The following GPM6A variants were observed in gnomAD, a reference collection of about 807,000 sequenced individuals.
GPM6A encodes the protein neuronal membrane glycoprotein M6-a.
GPM6A carries 7 observed loss-of-function variants against 32.1 expected under a neutral mutation model. The ratio of observed to expected loss-of-function variants is 0.22; its 90% CI spans 0.12 to 0.41. The LOEUF (loss-of-function observed/expected upper bound fraction) is 0.41. Ranked by LOEUF, GPM6A falls within the 10% of genes least tolerant of loss-of-function variation. GPM6A has a pLI of 1.00. For missense variants in GPM6A, 235 were observed against 347.2 expected (o/e 0.68, Z 2.57); for synonymous variants, 130 against 123.4 (o/e 1.05, Z -0.35).
intron 1 of GPM6A, among the ~76,000 whole-genome samples, chr4:175,793,606 C>T (rs1373036552): frequency 2.0e-5 from 3 of 152,012 alleles, no homozygotes; most frequent in Admixed American, 6.6e-5. Flanking sequence ...AAACTCCTGA[C>T]CTCAGTTGAT....
intron 1 of GPM6A, among the ~76,000 whole-genome samples, chr4:175,778,867 G>T (rs1443193601): frequency 6.7e-6 from 1 of 149,376 alleles, no homozygotes; most frequent in African/African-American, 2.5e-5. Context: ...TGTAATATAT[G>T]GATATATCAA....
intron 1 of GPM6A, among the ~76,000 whole-genome samples, chr4:175,821,377 T>C (rs1735272849): frequency 6.6e-6 from 1 of 152,162 alleles, no homozygotes; most frequent in African/African-American, 2.4e-5. Flanking sequence ...AAGTTCTGAA[T>C]ACTAATTCCA....
chr4:175,643,037 C>G (rs1286885563), intron 4 of GPM6A, among the ~76,000 whole-genome samples: 1 of 152,142 alleles, frequency 6.6e-6, no homozygotes, highest in Non-Finnish European at 1.5e-5. Flanking sequence ...CCCCCGCAAA[C>G]CCTACATGCA....
At chr4:175,664,180 G>C (rs1453827049) in intron 3 of GPM6A, among the ~76,000 whole-genome samples, 1 of 152,200 alleles carries the variant, frequency 6.6e-6, no homozygotes, top group Non-Finnish European at 1.5e-5. Flanking sequence ...GTCTATAGGG[G>C]TTGGGGGTGA....
At position 175,936,306 on chromosome 4, in the gene GPM6A, C is replaced by CAA. The variant is rs35653197; in HGVS notation, c.-23+66001_-23+66002dup. On this transcript the variant is annotated intron_variant, in intron 1 of 7. Coordinates refer to the GPM6A transcript ENST00000280187. ...GGGCGACACAGCGAGACTCTGTCTC[C>CAA]AAAAAAAAAAAAAAAAAAAAAAAAA... is the stretch of plus-strand genomic sequence containing the variant. Among the ~76,000 whole-genome samples the CAA allele has an allele frequency of 5.5e-4, 25 of 45,600 alleles. 5 individuals are homozygous for CAA. Among genetic ancestry groups the CAA allele is most frequent in the East Asian group, 4.4e-3 (5 of 1,142 alleles). 29.9% of individuals were successfully genotyped at this position (45,600 alleles called of 152,430 possible).
chr4:175,970,977 A>G (rs1740484442), intron 1 of GPM6A: 4 of 443,636 alleles, frequency 9.0e-6, no homozygotes. Context: ...TGAGCAGCGC[A>G]GAGCGCTCCT....
intron 2 of GPM6A, among the ~76,000 whole-genome samples, chr4:175,682,171 A>G (rs189291412): frequency 2.8e-4 from 43 of 152,316 alleles, no homozygotes; most frequent in African/African-American, 9.4e-4. Flanking sequence ...CATTTTGTCC[A>G]TGTCCTAGGC....
At chr4:175,896,157 T>G (rs1371056128) in intron 1 of GPM6A, among the ~76,000 whole-genome samples, 2 of 152,178 alleles carry the variant, frequency 1.3e-5, no homozygotes, top group African/African-American at 4.8e-5. Context: ...AATTAGACTT[T>G]TATCTTTTGG....
At chr4:175,979,953 A>G (rs1740773556) in intron 1 of GPM6A, among the ~76,000 whole-genome samples, 1 of 152,226 alleles carries the variant, frequency 6.6e-6, no homozygotes, top group African/African-American at 2.4e-5. Context: ...CCTGACTATA[A>G]TTAAGAGTAT....
chr4:175,663,494 A>G (rs948776537), intron 3 of GPM6A, among the ~76,000 whole-genome samples: 4 of 152,204 alleles, frequency 2.6e-5, no homozygotes, highest in Non-Finnish European at 4.4e-5. Context: ...AGTGTGTTGT[A>G]TTCTTGAAAA....
chr4:175,699,588 T>C (rs1008640473), intron 2 of GPM6A, among the ~76,000 whole-genome samples: 1 of 152,202 alleles, frequency 6.6e-6, no homozygotes, highest in Admixed American at 6.6e-5. Context: ...TATATTTTTA[T>C]AATAATTTCA....
chr4:175,722,665 C>G (rs1389551580), intron 1 of GPM6A, among the ~76,000 whole-genome samples: 1 of 151,972 alleles, frequency 6.6e-6, no homozygotes, highest in Non-Finnish European at 1.5e-5. Flanking sequence ...CAGAGTGAGA[C>G]CCTGCCTCAA....
intron 1 of GPM6A, among the ~76,000 whole-genome samples, chr4:175,864,805 T>A (rs1022843604): frequency 8.6e-5 from 13 of 152,008 alleles, no homozygotes; most frequent in Non-Finnish European, 1.5e-4. Context: ...CATTTTTTTA[T>A]TTCATTTTTT....
rs138640429 is a variant in GPM6A at position 175,799,019 on chromosome 4, T to C, written c.37+13172A>G. On this transcript the variant is annotated intron_variant, in intron 1 of 6. Coordinates refer to ENST00000393658, the MANE Select transcript of GPM6A (RefSeq NM_201591.3). The stretch of plus-strand genomic sequence containing the variant: ...TGAGCAATGAGTTCAAAGATTTCAG[T>C]GGCTTGATACGTAGTGCTTAAAATA... Among the ~76,000 whole-genome samples, 561 of 152,356 alleles carry C rather than the reference T, an allele frequency of 3.7e-3. 2 individuals are homozygous for C. Among genetic ancestry groups the C allele is most frequent in the African/African-American group, 0.013 (540 of 41,592 alleles).
chr4:175,985,108 G>A (rs1208678179), intron 1 of GPM6A, among the ~76,000 whole-genome samples: 1 of 152,006 alleles, frequency 6.6e-6, no homozygotes, highest in African/African-American at 2.4e-5. Flanking sequence ...CAGAATTTTA[G>A]AATCAGTTTG....
chr4:175,773,260 C>T (rs10010390), intron 1 of GPM6A, among the ~76,000 whole-genome samples: 5 of 152,164 alleles, frequency 3.3e-5, no homozygotes, highest in African/African-American at 7.2e-5. Context: ...GGAGTAAGAT[C>T]GGCATATGCC....
At chr4:175,864,966 C>A (rs1736685640) in intron 1 of GPM6A, among the ~76,000 whole-genome samples, 1 of 152,024 alleles carries the variant, frequency 6.6e-6, no homozygotes, top group African/African-American at 2.4e-5. Flanking sequence ...CACACCACTA[C>A]CACCGGGCTA....
At chr4:175,709,313 C>A in intron 1 of GPM6A, among the ~76,000 whole-genome samples, 1 of 151,520 alleles carries the variant, frequency 6.6e-6, no homozygotes, top group East Asian at 1.9e-4. Context: ...CTCTCTCTCT[C>A]TCTACGTGGG....
At chr4:175,962,240 C>A (rs2126404491) in intron 1 of GPM6A, 1 of 1,354,852 alleles carries the variant, frequency 7.4e-7, no homozygotes, top group Admixed American at 1.7e-5. Context: ...AGAACATTGA[C>A]CTCCTATATG....
Sources: gnomAD v4.1 joint callset for allele counts (sites outside exome capture counted in the v4.1 genomes callset) on GRCh38, gnomAD v4.1.1 for gene constraint, MANE v1.5 for transcripts, NCBI Gene and HGNC (gene_info 2026-07-23, HGNC 2026-07-21) for gene names.